The following PDGFC variants were observed in gnomAD, a reference collection of about 807,000 sequenced individuals.
PDGFC encodes the protein platelet-derived growth factor C.
PDGFC carries 12 observed loss-of-function variants against 35.5 expected under a neutral mutation model. The ratio of observed to expected loss-of-function variants is 0.34; its 90% CI spans 0.22 to 0.55. The LOEUF is 0.55. Among genes scored for constraint, PDGFC ranks in the 20% least tolerant of loss-of-function variants. PDGFC has a pLI of 0.91. For missense variants in PDGFC, 322 were observed against 412.4 expected (o/e 0.78, Z 1.90); for synonymous variants, 159 against 148.8 (o/e 1.07, Z -0.50).
chr4:156,810,800 A>G, intron 3 of PDGFC, 37 bp downstream of exon 3: 1 of 1,285,184 alleles, frequency 7.8e-7, no homozygotes. Context: ...CAAAAAGCTG[A>G]TCCAATTAAA....
chr4:156,897,897 C>CA (rs1730673711), intron 1 of PDGFC, among the ~76,000 whole-genome samples: 1 of 152,182 alleles, frequency 6.6e-6, no homozygotes, highest in Non-Finnish European at 1.5e-5. Context: ...ATGAGCTTCA[C>CA]ACCATAAAGC....
chr4:156,861,734 T>C (rs563994152), intron 1 of PDGFC, among the ~76,000 whole-genome samples: 1 of 152,268 alleles, frequency 6.6e-6, no homozygotes, highest in Non-Finnish European at 1.5e-5. Context: ...AGAGCATTAT[T>C]TGGAATAAAA....
At chr4:156,777,065 TG>T (rs913356951) in intron 3 of PDGFC, among the ~76,000 whole-genome samples, 7 of 152,280 alleles carry the variant, frequency 4.6e-5, no homozygotes, top group African/African-American at 1.7e-4. Context: ...TAACTCTCCT[TG>T]TTGTTTTAGC....
At chr4:156,886,265 CTT>C (rs1730373316) in intron 1 of PDGFC, among the ~76,000 whole-genome samples, 1 of 152,084 alleles carries the variant, frequency 6.6e-6, no homozygotes, top group Admixed American at 6.5e-5. Context: ...TTTTTAGAGA[CTT>C]CAGTTTTCTG....
intron 2 of PDGFC, among the ~76,000 whole-genome samples, chr4:156,819,297 G>T (rs1401683458): frequency 6.0e-5 from 8 of 133,220 alleles, no homozygotes; most frequent in Non-Finnish European, 1.2e-4. Flanking sequence ...TCTATTGGAA[G>T]AAGATGACAT....
At chr4:156,956,165 G>C (rs899993587) in intron 1 of PDGFC, among the ~76,000 whole-genome samples, 1 of 152,050 alleles carries the variant, frequency 6.6e-6, no homozygotes, top group South Asian at 2.1e-4. Context: ...TTAATTTATT[G>C]TTTGAAAGAG....
chr4:156,898,285 T>A (rs1730683544), intron 1 of PDGFC, among the ~76,000 whole-genome samples: 1 of 152,042 alleles, frequency 6.6e-6, no homozygotes, highest in Admixed American at 6.6e-5. Flanking sequence ...TCAAGAACCA[T>A]GAGAAATAGA....
intron 3 of PDGFC, among the ~76,000 whole-genome samples, chr4:156,803,560 A>C (rs1731673653): frequency 6.6e-6 from 1 of 152,116 alleles, no homozygotes; most frequent in Non-Finnish European, 1.5e-5. Flanking sequence ...AAAGCATGTT[A>C]AATAGAGTCG....
chr4:156,838,576 C>CA lies in PDGFC; in HGVS notation c.314+11644dup, dbSNP rs150821551. 6.2e-3 allele frequency among the ~76,000 whole-genome samples: 945 copies of CA among 152,192 alleles called. 15 individuals are homozygous for CA. The highest frequency in any genetic ancestry group is 0.022 in the African/African-American group (909 of 41,512). ...CTAGTAGAATGCAAATCTATACAGG[C>CA]AGAGAAAAATCAACAGAGAAATCAA... On this transcript the variant is annotated intron_variant, in intron 2 of 5. Coordinates refer to ENST00000502773, the MANE Select transcript of PDGFC (RefSeq NM_016205.3).
rs1178355272 is a variant in PDGFC at position 156,767,830 on chromosome 4, G to A, written c.864C>T (p.Leu288=). The A allele has an allele frequency of 2.5e-6, 4 of 1,613,178 alleles. No individual in the cohort carries two copies. The African/African-American group carries it at 5.3e-5, about 22-fold the overall frequency. The change falls in exon 5 of 6, where the codon CTC becomes CTT. Residue 288 remains leucine (L), a synonymous_variant. Coordinates refer to ENST00000502773, the MANE Select transcript of PDGFC (RefSeq NM_016205.3). The part of the protein sequence containing the change: ...KRCGGNCACC[L]HNCNECQCVP... ...CACATTGACATTCATTGCAATTGTG[G>A]AGACAACAGGCACAGTTCCCACCAC...
chr4:156,801,427 A>G (rs1448431395), intron 3 of PDGFC, among the ~76,000 whole-genome samples: 1 of 152,172 alleles, frequency 6.6e-6, no homozygotes, highest in African/African-American at 2.4e-5. Context: ...ACTTGACAAA[A>G]AGAGCCCCCT....
chr4:156,884,677 G>C (rs888379266), intron 1 of PDGFC, among the ~76,000 whole-genome samples: 8 of 152,138 alleles, frequency 5.3e-5, no homozygotes, highest in African/African-American at 2.4e-5. Flanking sequence ...TTTGTATACT[G>C]ATTTGCTAAT....
rs59421806 is a variant in PDGFC, at chr4:156,826,174, A to ATTTTTTTTTTTT, written c.315-15169_315-15158dup. 1.7e-3 allele frequency among the ~76,000 whole-genome samples: 74 copies of ATTTTTTTTTTTT among 43,786 alleles called. 12 individuals carry two copies. The highest frequency in any genetic ancestry group is 1.8e-3 in the Non-Finnish European group (44 of 24,274). The allele number at this position is 43,786 out of a possible 152,430, so 28.7% of individuals were successfully genotyped here. A position where few individuals can be genotyped will look rare whatever the true frequency, so the allele number is the denominator to read the frequency against. On this transcript the variant is annotated intron_variant, in intron 2 of 5. Coordinates refer to ENST00000502773, the MANE Select transcript of PDGFC (RefSeq NM_016205.3). The stretch of plus-strand genomic sequence containing the variant: ...GCCACCATATCCAGCTTTGAGTTGG[A>ATTTTTTTTTTTT]TTTTTTTTTTTTTTTTTTTTTTTTT...
rs148907466 is a variant in PDGFC, at chr4:156,914,729, C to A, written c.118+56057G>T. 7.9e-3 allele frequency among the ~76,000 whole-genome samples: 1,209 copies of A among 152,262 alleles called. 18 individuals carry two copies. Among genetic ancestry groups the A allele is most frequent in the African/African-American group, 0.028 (1,154 of 41,552 alleles). Reference sequence around the variant, plus strand: ...CCAGGGGAAGAAATGAAAACAAAACCTGGTGATTTCTAAAAGTCTCAAAAT... The same window carrying A: ...CCAGGGGAAGAAATGAAAACAAAACATGGTGATTTCTAAAAGTCTCAAAAT... On this transcript the variant is annotated intron_variant, in intron 1 of 5. Transcript: ENST00000502773.
intron 1 of PDGFC, among the ~76,000 whole-genome samples, chr4:156,900,256 A>T (rs1429510668): frequency 1.3e-5 from 2 of 152,200 alleles, no homozygotes; most frequent in Non-Finnish European, 2.9e-5. Context: ...CACACCTAAA[A>T]TCCAGGCTCA....
chr4:156,887,584 CAGG>C (rs1026483354), intron 1 of PDGFC, among the ~76,000 whole-genome samples: 3 of 151,852 alleles, frequency 2.0e-5, no homozygotes, highest in Non-Finnish European at 4.4e-5. Flanking sequence ...TGATTGATAC[CAGG>C]AGAAGAATAA....
chr4:156,849,930 T>A (rs762955170), intron 2 of PDGFC, among the ~76,000 whole-genome samples: 6 of 152,100 alleles, frequency 3.9e-5, no homozygotes, highest in Non-Finnish European at 8.8e-5. Context: ...CAGCTTTGTA[T>A]TCTCTAATCC....
At chr4:156,838,144 A>C (rs914457106) in intron 2 of PDGFC, among the ~76,000 whole-genome samples, 3 of 152,218 alleles carry the variant, frequency 2.0e-5, no homozygotes, top group African/African-American at 7.2e-5. Flanking sequence ...CGTAGTAAAA[A>C]CAGTAACTAA....
chr4:156,970,739 C>A, intron 1 of PDGFC, 47 bp downstream of exon 1: 1 of 1,195,278 alleles, frequency 8.4e-7, no homozygotes, highest in Admixed American at 1.7e-5. Context: ...CCAACGTTAA[C>A]ACACACAGCG....
Sources: gnomAD v4.1 joint callset for allele counts (sites outside exome capture counted in the v4.1 genomes callset) on GRCh38, gnomAD v4.1.1 for gene constraint, MANE v1.5 for transcripts, NCBI Gene and HGNC (gene_info 2026-07-23, HGNC 2026-07-21) for gene names.